Variants in NALF1 observed in about 807,000 individuals in gnomAD.
NALF1 encodes the protein family with sequence similarity 155 member A.
In NALF1, 3 loss-of-function variants were observed where a neutral mutation model predicts 48.4. The observed-to-expected ratio is 0.06, with a 90% CI of 0.03 to 0.16. NALF1 has a LOEUF of 0.16. Ranked by LOEUF, NALF1 falls within the 10% of genes least tolerant of loss-of-function variation. The pLI is 1.00. For synonymous variants in NALF1, 262 were observed against 245.7 expected, an observed-to-expected ratio of 1.07 and a Z score of -0.62; for missense variants, 526 against 571.5, an observed-to-expected ratio of 0.92 and a Z score of 0.81.
At position 107,168,728 on chromosome 13, in the gene NALF1, A is replaced by AAAAC. The variant is rs1444458614; in HGVS notation, c.*1765_*1768dup. 1 of 152,410 alleles carries AAAAC rather than the reference A, an allele frequency of 6.6e-6. No homozygotes were observed. Among genetic ancestry groups the AAAAC allele is most frequent in the Non-Finnish European group, 1.5e-5 (1 of 67,974 alleles). The allele number at this position is 152,410 out of a possible 1,614,324, so 9.4% of individuals were successfully genotyped here. A position where few individuals can be genotyped will look rare whatever the true frequency, so the allele number is the denominator to read the frequency against. ...AGACTGGAACGAAACATTTTTTTTC[A>AAAAC]AAACAAAATATGCATACTGTACGCA... On this transcript the variant is annotated 3_prime_UTR_variant, in exon 3 of 3. Coordinates refer to ENST00000375915, the MANE Select transcript of NALF1 (RefSeq NM_001080396.3).
At chr13:107,516,072 C>T (rs1323680) in intron 1 of NALF1, among the ~76,000 whole-genome samples, 150,948 of 152,282 alleles carry the variant, frequency 0.99, 74,821 homozygotes, top group East Asian at 1. Flanking sequence ...AAAATGTTCA[C>T]TGGGGGTTTG....
chr13:107,558,816 A>T (rs2138391462), intron 1 of NALF1, among the ~76,000 whole-genome samples: 1 of 152,292 alleles, frequency 6.6e-6, no homozygotes, highest in East Asian at 1.9e-4. Flanking sequence ...GAGGTCCTGG[A>T]TTGAACATAG....
At chr13:107,504,212 T>C (rs988485421) in intron 1 of NALF1, among the ~76,000 whole-genome samples, 3 of 148,314 alleles carry the variant, frequency 2.0e-5, no homozygotes, top group Non-Finnish European at 3.0e-5. Flanking sequence ...GATTGCACCA[T>C]TGCACTCCAG....
At chr13:107,437,487 C>T (rs1305334539) in intron 1 of NALF1, among the ~76,000 whole-genome samples, 1 of 152,156 alleles carries the variant, frequency 6.6e-6, no homozygotes, top group Non-Finnish European at 1.5e-5. Context: ...AACTAGAAAT[C>T]ATCTAGGTGT....
At chr13:107,420,996 C>T (rs527316491) in intron 1 of NALF1, among the ~76,000 whole-genome samples, 32 of 152,248 alleles carry the variant, frequency 2.1e-4, no homozygotes, top group African/African-American at 7.5e-4. Context: ...TCTACTATTA[C>T]CAAACAATGC....
intron 1 of NALF1, among the ~76,000 whole-genome samples, chr13:107,539,878 T>C (rs774666548): frequency 2.0e-5 from 3 of 152,158 alleles, no homozygotes; most frequent in Non-Finnish European, 2.9e-5. Flanking sequence ...TATGAAGTGC[T>C]GGTTTTGCTA....
intron 1 of NALF1, among the ~76,000 whole-genome samples, chr13:107,799,060 T>G (rs1878522084): frequency 6.6e-6 from 1 of 152,144 alleles, no homozygotes; most frequent in Non-Finnish European, 1.5e-5. Flanking sequence ...GACTTAGTAG[T>G]CCACATCGGC....
At chr13:107,231,738 C>T (rs551257459) in intron 1 of NALF1, among the ~76,000 whole-genome samples, 14 of 152,258 alleles carry the variant, frequency 9.2e-5, no homozygotes, top group African/African-American at 2.9e-4. Flanking sequence ...AACTGATTTG[C>T]GCATTTGAAA....
At chr13:107,606,663 G>C (rs941568392) in intron 1 of NALF1, among the ~76,000 whole-genome samples, 4 of 152,030 alleles carry the variant, frequency 2.6e-5, no homozygotes, top group African/African-American at 7.3e-5. Context: ...ACTGCGCCTG[G>C]CACCTTAACA....
chr13:107,726,293 C>T (rs959241321), intron 1 of NALF1, among the ~76,000 whole-genome samples: 16 of 152,094 alleles, frequency 1.1e-4, no homozygotes, highest in African/African-American at 3.4e-4. Flanking sequence ...AATAGGTTAG[C>T]CAGAAACAAG....
intron 1 of NALF1, among the ~76,000 whole-genome samples, chr13:107,600,016 T>C (rs556297547): frequency 8.5e-5 from 13 of 152,318 alleles, no homozygotes; most frequent in Admixed American, 7.2e-4. Flanking sequence ...TGAAACAAGA[T>C]CACAAAAACT....
At chr13:107,792,712 G>A (rs1269409309) in intron 1 of NALF1, among the ~76,000 whole-genome samples, 1 of 152,182 alleles carries the variant, frequency 6.6e-6, no homozygotes, top group Non-Finnish European at 1.5e-5. Context: ...AAACACTTAT[G>A]TAACAGTCAC....
chr13:107,496,677 G>A (rs1005225102), intron 1 of NALF1, among the ~76,000 whole-genome samples: 13 of 152,182 alleles, frequency 8.5e-5, no homozygotes, highest in Non-Finnish European at 1.8e-4. Context: ...CGTGAGACTG[G>A]GCAATTTACA....
At chr13:107,449,436 A>C (rs1168056930) in intron 1 of NALF1, among the ~76,000 whole-genome samples, 2 of 152,124 alleles carry the variant, frequency 1.3e-5, no homozygotes, top group African/African-American at 2.4e-5. Context: ...AAAAAGGAAG[A>C]GGTAAAATTG....
chr13:107,491,636 A>AG (rs776382339), intron 1 of NALF1, among the ~76,000 whole-genome samples: 6 of 152,178 alleles, frequency 3.9e-5, no homozygotes, highest in Non-Finnish European at 8.8e-5. Flanking sequence ...CAACCACATC[A>AG]GAAACTACTG....
intron 1 of NALF1, among the ~76,000 whole-genome samples, chr13:107,808,437 A>G (rs1392220529): frequency 6.6e-6 from 1 of 152,102 alleles, no homozygotes; most frequent in Non-Finnish European, 1.5e-5. Flanking sequence ...GATTTGTCCT[A>G]CTTTTGGCTT....
At chr13:107,533,685 T>C (rs1244029616) in intron 1 of NALF1, among the ~76,000 whole-genome samples, 6 of 152,158 alleles carry the variant, frequency 3.9e-5, no homozygotes, top group African/African-American at 9.7e-5. Context: ...TGAGGAAGTA[T>C]TCCAAAGGCC....
At chr13:107,571,008 T>G (rs1877972247) in intron 1 of NALF1, among the ~76,000 whole-genome samples, 1 of 152,188 alleles carries the variant, frequency 6.6e-6, no homozygotes, top group Admixed American at 6.5e-5. Context: ...ACCCTAAAAT[T>G]AGAGCTGAAA....
chr13:107,494,467 C>T (rs1474644698), intron 1 of NALF1, among the ~76,000 whole-genome samples: 2 of 152,108 alleles, frequency 1.3e-5, no homozygotes, highest in African/African-American at 2.4e-5. Flanking sequence ...CTTTTCATCT[C>T]GAGTAGATAT....
Sources: allele counts gnomAD v4.1 joint callset (sites outside exome capture counted in the v4.1 genomes callset), GRCh38; gene constraint gnomAD v4.1.1; transcripts MANE v1.5; gene names NCBI Gene and HGNC (gene_info 2026-07-23, HGNC 2026-07-21).